Variants in FUT8 observed in about 807,000 individuals in gnomAD.
FUT8 encodes the protein alpha-(1,6)-fucosyltransferase.
In FUT8, 29 loss-of-function variants were observed where a neutral mutation model predicts 71.3. That is an observed-to-expected ratio of 0.41 (90% CI 0.30 to 0.55). The LOEUF is 0.55. Ranked by LOEUF, FUT8 falls within the 20% of genes least tolerant of loss-of-function variation. The pLI is 0.34. For synonymous variants in FUT8, 254 were observed against 239.3 expected, an observed-to-expected ratio of 1.06 and a Z score of -0.57; for missense variants, 544 against 702.1, an observed-to-expected ratio of 0.77 and a Z score of 2.55.
chr14:65,614,047 G>T (rs1889148914), intron 3 of FUT8, among the ~76,000 whole-genome samples: 1 of 151,638 alleles, frequency 6.6e-6, no homozygotes, highest in Non-Finnish European at 1.5e-5. Flanking sequence ...CTGGGAGGCA[G>T]TGGTTGTGGC....
At chr14:65,363,497 T>C in the FUT8 span, among the ~76,000 whole-genome samples, 3 of 152,204 alleles carry the variant, frequency 2.0e-5, no homozygotes, top group Non-Finnish European at 4.4e-5. Flanking sequence ...CCTCAGGTGA[T>C]CTGTCCGCCT....
the FUT8 span, among the ~76,000 whole-genome samples, chr14:65,390,374 A>T: frequency 6.6e-6 from 1 of 150,990 alleles, no homozygotes; most frequent in East Asian, 1.9e-4. Context: ...ATCTAGAAGG[A>T]TAAACAAATT....
chr14:65,479,623 C>T (rs2066299065), intron 2 of FUT8: 1 of 152,266 alleles, frequency 6.6e-6, no homozygotes, highest in African/African-American at 2.4e-5. Flanking sequence ...CCCCTGCTCT[C>T]CCTCTTTCTT....
chr14:65,471,076 A>G, intron 2 of FUT8: 2 of 466,902 alleles, frequency 4.3e-6, no homozygotes, highest in South Asian at 3.1e-5. Context: ...CCTGTGTTGT[A>G]CAAGAGCTGT....
chr14:65,421,747 C>CCCCCCCCCCT (rs57713947), intron 1 of FUT8, among the ~76,000 whole-genome samples: 2 of 79,212 alleles, frequency 2.5e-5, no homozygotes, highest in African/African-American at 9.9e-5. Context: ...CCACCCCCCC[C>CCCCCCCCCCT]TTTTTTTTTT....
At chr14:65,439,993 T>TATATATATACAC (rs1555361023) in intron 1 of FUT8, among the ~76,000 whole-genome samples, 2 of 138,166 alleles carry the variant, frequency 1.4e-5, no homozygotes, top group African/African-American at 5.3e-5. Context: ...TATATATATG[T>TATATATATACAC]ACACACACAC....
At chr14:65,717,870 C>T (rs750319954) in intron 7 of FUT8, among the ~76,000 whole-genome samples, 18 of 152,266 alleles carry the variant, frequency 1.2e-4, no homozygotes, top group Non-Finnish European at 1.9e-4. Flanking sequence ...TTGTCTATTA[C>T]AGGTATAGCT....
chr14:65,459,649 C>T (rs1397750703), intron 2 of FUT8, among the ~76,000 whole-genome samples: 1 of 152,052 alleles, frequency 6.6e-6, no homozygotes, highest in Non-Finnish European at 1.5e-5. Flanking sequence ...CTCCAGATAG[C>T]TGTATGAGTA....
At chr14:65,698,108 C>G (rs942415198) in intron 7 of FUT8, among the ~76,000 whole-genome samples, 1 of 151,928 alleles carries the variant, frequency 6.6e-6, no homozygotes, top group African/African-American at 2.4e-5. Context: ...AAATGAATTT[C>G]AATATTTATT....
chr14:65,502,020 C>G (rs1167212458), intron 2 of FUT8, among the ~76,000 whole-genome samples: 1 of 151,840 alleles, frequency 6.6e-6, no homozygotes, highest in Admixed American at 6.6e-5. Flanking sequence ...AAGCAGTCCT[C>G]TCACCTCAGC....
chr14:65,595,905 G>A lies in FUT8; in HGVS notation c.204-20073G>A, dbSNP rs564685767. 1.5e-4 allele frequency among the ~76,000 whole-genome samples: 23 copies of A among 152,202 alleles called. No individual in the cohort carries two copies. The South Asian group carries it at 1.9e-3, about 12-fold the overall frequency. On this transcript the variant is annotated intron_variant, in intron 3 of 10. Coordinates refer to ENST00000673929, the MANE Select transcript of FUT8 (RefSeq NM_001371533.1). ...ATTACAGGCGTGAGCCACCACGCGC[G>A]GCCCACACCATCCTCTTATATTATT...
intron 1 of FUT8, among the ~76,000 whole-genome samples, chr14:65,414,618 T>C (rs1325242661): frequency 2.0e-5 from 3 of 152,218 alleles, no homozygotes; most frequent in Non-Finnish European, 4.4e-5. Flanking sequence ...TTCAAGCATT[T>C]GTAATTGTGA....
chr14:65,676,905 G>C (rs1282109757), intron 7 of FUT8, among the ~76,000 whole-genome samples: 2 of 152,124 alleles, frequency 1.3e-5, no homozygotes, highest in Non-Finnish European at 2.9e-5. Flanking sequence ...TTATATGCCA[G>C]AGCTCTGAGT....
intron 6 of FUT8, among the ~76,000 whole-genome samples, chr14:65,657,520 A>G (rs1024675645): frequency 2.6e-5 from 4 of 152,150 alleles, no homozygotes; most frequent in Admixed American, 1.3e-4. Context: ...TGTCATTAGC[A>G]ACAACATGGA....
chr14:65,525,561 C>T (rs1001990095), intron 2 of FUT8, among the ~76,000 whole-genome samples: 4 of 151,544 alleles, frequency 2.6e-5, no homozygotes, highest in African/African-American at 9.7e-5. Flanking sequence ...GTCTCTATCT[C>T]TCAGTTCTGC....
chr14:65,613,357 T>A (rs1257849387), intron 3 of FUT8, among the ~76,000 whole-genome samples: 1 of 152,216 alleles, frequency 6.6e-6, no homozygotes, highest in African/African-American at 2.4e-5. Context: ...TTTATTCTAT[T>A]TTCAAATTGT....
chr14:65,645,251 G>C (rs1209853434), intron 6 of FUT8, among the ~76,000 whole-genome samples: 1 of 152,128 alleles, frequency 6.6e-6, no homozygotes, highest in Non-Finnish European at 1.5e-5. Flanking sequence ...CTCCTAACAA[G>C]TTACAATTGT....
chr14:65,597,571 C>T (rs1208590454), intron 3 of FUT8, among the ~76,000 whole-genome samples: 2 of 151,340 alleles, frequency 1.3e-5, no homozygotes, highest in Non-Finnish European at 1.5e-5. Context: ...TGCAGTGAGC[C>T]GAGATCGCAC....
chr14:65,665,562 C>T (rs72716420), intron 6 of FUT8, among the ~76,000 whole-genome samples: 20,847 of 152,140 alleles, frequency 0.14, 1,940 homozygotes, highest in South Asian at 0.28. Flanking sequence ...TACCATTTGA[C>T]CCAGCAGTCC....
Sources: allele counts gnomAD v4.1 joint callset (sites outside exome capture counted in the v4.1 genomes callset), GRCh38; gene constraint gnomAD v4.1.1; transcripts MANE v1.5; gene names NCBI Gene and HGNC (gene_info 2026-07-23, HGNC 2026-07-21).